Variants in ATXN10 observed in about 807,000 individuals in gnomAD.
The protein encoded by ATXN10 is ataxin 10, also known as ataxin-10.
ATXN10 carries 28 observed loss-of-function variants against 52.9 expected under a neutral mutation model. That is an observed-to-expected ratio of 0.53 (90% CI 0.39 to 0.73). ATXN10 has a LOEUF of 0.73. Among genes scored for constraint, ATXN10 ranks in the 30% least tolerant of loss-of-function variants. The pLI, the probability that ATXN10 is intolerant of heterozygous loss-of-function variation, is 0.00. For synonymous variants in ATXN10, 226 were observed against 221.5 expected (o/e 1.02, Z -0.18); for missense variants, 565 against 577.0 (o/e 0.98, Z 0.21).
chr22:45,757,371 G>A lies in ATXN10; in HGVS notation c.1173+16833G>A, dbSNP rs984276583. On this transcript the variant is annotated intron_variant, in intron 9 of 11. Coordinates refer to ENST00000252934, the MANE Select transcript of ATXN10 (RefSeq NM_013236.4). The surrounding 1 kb of genome is among the most constrained non-coding windows in gnomAD (Gnocchi z 4.6). ...AATACCAGCTGATTCTAACAGTGTG[G>A]CCCAGCAGCGCCTGCTGGCTGGGAG... 6.6e-6 allele frequency among the ~76,000 whole-genome samples: 1 copy of A among 152,122 alleles called. No individual in the cohort carries two copies. The highest frequency in any genetic ancestry group is 2.4e-5 in the African/African-American group (1 of 41,428).
chr22:45,764,946 C>T (rs1926530942), intron 9 of ATXN10, among the ~76,000 whole-genome samples: 1 of 152,166 alleles, frequency 6.6e-6, no homozygotes, highest in South Asian at 2.1e-4. Flanking sequence ...ATATGCTCTT[C>T]ATTTTTCAAT....
At chr22:45,730,538 A>G (rs550076338) in intron 7 of ATXN10, among the ~76,000 whole-genome samples, 17 of 152,186 alleles carry the variant, frequency 1.1e-4, no homozygotes, top group African/African-American at 3.1e-4. Context: ...GGTTCAGTCA[A>G]TTCTCCTGTC....
At position 45,723,966 on chromosome 22, in the gene ATXN10, T is replaced by A. The variant is rs562286430; in HGVS notation, c.729-5459T>A. Among the ~76,000 whole-genome samples the A allele has an allele frequency of 2.8e-3, 423 of 149,308 alleles. 2 individuals carry two copies. The highest frequency in any genetic ancestry group is 8.5e-3 in the South Asian group (40 of 4,686). On this transcript the variant is annotated intron_variant, in intron 6 of 11. Transcript: ENST00000252934. ...GACCCTGTCTCAAAAAAAAAAAAAA[T>A]AAAAGGCTTCCAGCTCCATCCAAGT...
At chr22:45,803,936 C>T (rs961899928) in intron 9 of ATXN10, among the ~76,000 whole-genome samples, 1 of 152,106 alleles carries the variant, frequency 6.6e-6, no homozygotes, top group Non-Finnish European at 1.5e-5. Flanking sequence ...TGGTCGAACC[C>T]TCCATGCCAG....
chr22:45,836,629 G>C (rs1301193535), intron 10 of ATXN10, among the ~76,000 whole-genome samples: 1 of 152,184 alleles, frequency 6.6e-6, no homozygotes, highest in East Asian at 1.9e-4. Flanking sequence ...GGATGCACTG[G>C]GGTGAGATGG....
intron 3 of ATXN10, among the ~76,000 whole-genome samples, chr22:45,695,526 G>A (rs1305377351): frequency 2.2e-5 from 3 of 139,402 alleles, no homozygotes; most frequent in South Asian, 2.3e-4. Context: ...GTCTTACTCT[G>A]TCGCCCAGGC....
At chr22:45,694,391 C>G (rs1196500018) in intron 3 of ATXN10, among the ~76,000 whole-genome samples, 2 of 152,002 alleles carry the variant, frequency 1.3e-5, no homozygotes, top group South Asian at 2.1e-4. Flanking sequence ...GTGGCTCATG[C>G]CTGTAATTCT....
intron 9 of ATXN10, among the ~76,000 whole-genome samples, chr22:45,756,863 T>G (rs1926190821): frequency 6.6e-6 from 1 of 152,200 alleles, no homozygotes; most frequent in African/African-American, 2.4e-5. Flanking sequence ...ATATTGAATA[T>G]ATCCACTGGA....
chr22:45,809,571 TG>T (rs1395180075), intron 10 of ATXN10, among the ~76,000 whole-genome samples: 1 of 152,242 alleles, frequency 6.6e-6, no homozygotes, highest in Non-Finnish European at 1.5e-5. Flanking sequence ...ATTCAGCTCC[TG>T]TACACCACCT....
At chr22:45,742,247 A>G (rs1475639963) in intron 9 of ATXN10, among the ~76,000 whole-genome samples, 1 of 152,290 alleles carries the variant, frequency 6.6e-6, no homozygotes, top group East Asian at 1.9e-4. Flanking sequence ...CCACAGCATA[A>G]TGTATCCTGT....
At position 45,819,183 on chromosome 22, in the gene ATXN10, T is replaced by C. The variant is rs1928564581; in HGVS notation, c.1237+12161T>C. ...CCTGGTTTCTCTGTAGTATGAAGAA[T>C]AGAATAGAAAATAGAATAGAATAGA... On this transcript the variant is annotated intron_variant, in intron 10 of 11. Transcript: ENST00000252934. The surrounding 1 kb of genome is among the most constrained non-coding windows in gnomAD (Gnocchi z 4.5). 6.6e-6 allele frequency among the ~76,000 whole-genome samples: 1 copy of C among 150,458 alleles called. No individual in the cohort carries two copies. The highest frequency in any genetic ancestry group is 2.5e-5 in the African/African-American group (1 of 40,594).
chr22:45,834,831 A>T (rs1929112670), intron 10 of ATXN10, among the ~76,000 whole-genome samples: 1 of 152,196 alleles, frequency 6.6e-6, no homozygotes, highest in African/African-American at 2.4e-5. Flanking sequence ...CACTCTGCTA[A>T]CCATGCTGCA....
intron 10 of ATXN10, among the ~76,000 whole-genome samples, chr22:45,830,290 A>C (rs1200021403): frequency 1.3e-5 from 2 of 152,222 alleles, no homozygotes; most frequent in Non-Finnish European, 2.9e-5. Context: ...TGGATTTGGC[A>C]GTTATTTATT....
intron 9 of ATXN10, among the ~76,000 whole-genome samples, chr22:45,799,302 T>A (rs1374431759): frequency 6.6e-6 from 1 of 152,186 alleles, no homozygotes; most frequent in Non-Finnish European, 1.5e-5. Flanking sequence ...AGACCTAGAA[T>A]AGCTGTTATG....
In ATXN10 at chr22:45,789,058, A is replaced by G. The variant is rs11703016; in HGVS notation, c.1174-17901A>G. Reference sequence around the variant, plus strand: ...GGTAGTTTTAAAAGCTCCCCAGGAGATGCAGATTGACAGTAAGGATGGAAA... The same window carrying G: ...GGTAGTTTTAAAAGCTCCCCAGGAGGTGCAGATTGACAGTAAGGATGGAAA... On this transcript the variant is annotated intron_variant, in intron 9 of 11. Transcript: ENST00000252934. The surrounding 1 kb of genome is among the most constrained non-coding windows in gnomAD (Gnocchi z 4.0). Among the ~76,000 whole-genome samples, 13,471 of 152,090 alleles carry G rather than the reference A, an allele frequency of 0.089. 774 individuals are homozygous for G. The highest frequency in any genetic ancestry group is 0.16 in the Middle Eastern group (47 of 294).
At chr22:45,692,894 C>T (rs1923439342) in intron 2 of ATXN10, 102 bp from the exon 3 acceptor site, 1 of 931,630 alleles carries the variant, frequency 1.1e-6, no homozygotes, top group African/African-American at 1.6e-5. Context: ...GCTTTGTAAT[C>T]TCTGTCAGAT....
rs1394056540 is a variant in ATXN10 at position 45,835,400 on chromosome 22, G to T, written c.1238-7591G>T. Among the ~76,000 whole-genome samples, 1 of 152,218 alleles carries T rather than the reference G, an allele frequency of 6.6e-6. No individual in the cohort carries two copies. Among genetic ancestry groups the T allele is most frequent in the Non-Finnish European group, 1.5e-5 (1 of 68,044 alleles). The stretch of plus-strand genomic sequence containing the variant: ...ACGGGGTGCAGTGGAGGAAGTGTGA[G>T]CCTTGTACAGAGAGAGGTTTCAGGC... On this transcript the variant is annotated intron_variant, in intron 10 of 11. Coordinates refer to ENST00000252934, the MANE Select transcript of ATXN10 (RefSeq NM_013236.4). This position sits in a 1 kb window ranked among gnomAD's most constrained non-coding sequence, Gnocchi z 5.0.
intron 3 of ATXN10, among the ~76,000 whole-genome samples, chr22:45,694,230 C>A (rs1293129988): frequency 6.6e-6 from 1 of 151,748 alleles, no homozygotes; most frequent in Non-Finnish European, 1.5e-5. Context: ...GCATCAACAT[C>A]TTTCCTTTGG....
chr22:45,746,756 A>G (rs556913855), intron 9 of ATXN10, among the ~76,000 whole-genome samples: 1 of 152,210 alleles, frequency 6.6e-6, no homozygotes, highest in Admixed American at 6.5e-5. Flanking sequence ...TTTCTCTTCT[A>G]CGCTCCTCAC....
Sources: gnomAD v4.1 joint callset for allele counts (sites outside exome capture counted in the v4.1 genomes callset) on GRCh38, gnomAD v4.1.1 for gene constraint, Gnocchi (gnomAD v3.1) non-coding constraint, MANE v1.5 for transcripts, NCBI Gene and HGNC (gene_info 2026-07-23, HGNC 2026-07-21) for gene names.